The following FMNL2 variants were observed in gnomAD, a reference collection of about 807,000 sequenced individuals.
The protein encoded by FMNL2 is formin-like protein 2.
FMNL2 carries 51 observed loss-of-function variants against 130.2 expected under a neutral mutation model. That is an observed-to-expected ratio of 0.39 (90% CI 0.31 to 0.49). The LOEUF is 0.49. Among genes scored for constraint, FMNL2 ranks in the 20% least tolerant of loss-of-function variants. FMNL2 has a pLI of 0.85. For synonymous variants in FMNL2, 465 were observed against 467.1 expected (o/e 1.00, Z 0.06); for missense variants, 977 against 1,316.2 (o/e 0.74, Z 3.99).
chr2:152,520,072 C>T (rs1259831697), intron 1 of FMNL2, among the ~76,000 whole-genome samples: 1 of 151,906 alleles, frequency 6.6e-6, no homozygotes, highest in Non-Finnish European at 1.5e-5. Context: ...TTGCCTTATC[C>T]CAGGAGTTTT....
intron 6 of FMNL2, among the ~76,000 whole-genome samples, chr2:152,564,780 T>TTTGTTTTTTG (rs1222828555): frequency 3.8e-4 from 50 of 131,176 alleles, no homozygotes; most frequent in African/African-American, 1.4e-3. Context: ...AGGTTGGTTT[T>TTTGTTTTTTG]TTTTTTTTTT....
chr2:152,368,648 A>G, intron 1 of FMNL2, among the ~76,000 whole-genome samples: 1 of 152,180 alleles, frequency 6.6e-6, no homozygotes, highest in East Asian at 1.9e-4. Context: ...AAAGAGGGAA[A>G]GAAGTAAAGA....
intron 2 of FMNL2, among the ~76,000 whole-genome samples, chr2:152,535,308 C>T (rs1294693153): frequency 6.6e-6 from 1 of 152,202 alleles, no homozygotes; most frequent in Non-Finnish European, 1.5e-5. Flanking sequence ...TCTCCTGCCT[C>T]TTATACTGTC....
chr2:152,537,272 T>A (rs1179069622), intron 2 of FMNL2, among the ~76,000 whole-genome samples: 3 of 152,228 alleles, frequency 2.0e-5, no homozygotes, highest in Non-Finnish European at 2.9e-5. Flanking sequence ...GTTTCCCACC[T>A]TGGGTTGCAG....
At chr2:152,464,243 C>T (rs1579727044) in intron 1 of FMNL2, among the ~76,000 whole-genome samples, 2 of 152,304 alleles carry the variant, frequency 1.3e-5, no homozygotes, top group African/African-American at 4.8e-5. Flanking sequence ...CGCACTCAGC[C>T]ACTGATGGTT....
intron 1 of FMNL2, among the ~76,000 whole-genome samples, chr2:152,383,147 G>A (rs968198899): frequency 6.6e-6 from 1 of 151,970 alleles, no homozygotes; most frequent in Non-Finnish European, 1.5e-5. Flanking sequence ...GAGAGAGGTA[G>A]TTTTAATTTC....
chr2:152,429,215 C>CAAA (rs3047928), intron 1 of FMNL2, among the ~76,000 whole-genome samples: 13 of 95,760 alleles, frequency 1.4e-4, no homozygotes, highest in African/African-American at 3.1e-4. Context: ...CTTAGAGGAA[C>CAAA]AAAAAAAAAA....
rs1202816121 is a variant in FMNL2, at chr2:152,506,193, A to T, written c.118-15750A>T. Among the ~76,000 whole-genome samples the T allele has an allele frequency of 4.6e-5, 7 of 152,190 alleles. 1 individual carries two copies. Among genetic ancestry groups the T allele is most frequent in the African/African-American group, 1.2e-4 (5 of 41,444 alleles). On this transcript the variant is annotated intron_variant, in intron 1 of 25. Coordinates refer to ENST00000288670, the MANE Select transcript of FMNL2 (RefSeq NM_052905.4). ...GAAAAATTTGTGCATTTATTTCTCA[A>T]ATCAATGTCCAACTGTTTTAATAAT... is the stretch of plus-strand genomic sequence containing the variant.
chr2:152,547,619 G>C (rs1694715710), intron 3 of FMNL2, among the ~76,000 whole-genome samples: 2 of 152,156 alleles, frequency 1.3e-5, no homozygotes, highest in Admixed American at 1.3e-4. Context: ...CCGTGCTTCA[G>C]GCCTTCATGG....
rs1693624751 is a variant in FMNL2 at position 152,530,444 on chromosome 2, A to G, written c.201+8418A>G. Among the ~76,000 whole-genome samples, 3 of 152,202 alleles carry G rather than the reference A, an allele frequency of 2.0e-5. No homozygotes were observed. In the South Asian group the frequency reaches 6.2e-4, roughly 32 times the overall value. ...CTGAAACTAAAACTGAAGTCTACTG[A>G]TGCCTGATTCTGAAAAATTTTATGT... On this transcript the variant is annotated intron_variant, in intron 2 of 25. Transcript: ENST00000288670.
intron 1 of FMNL2, among the ~76,000 whole-genome samples, chr2:152,388,927 T>G (rs1050535975): frequency 1.3e-5 from 2 of 152,162 alleles, no homozygotes; most frequent in Non-Finnish European, 2.9e-5. Flanking sequence ...CAGTCCTCAC[T>G]AAAAACAATG....
chr2:152,387,105 T>C (rs766581923), intron 1 of FMNL2, among the ~76,000 whole-genome samples: 62 of 152,194 alleles, frequency 4.1e-4, no homozygotes, highest in African/African-American at 1.4e-3. Flanking sequence ...GAAGTAGAAA[T>C]GAGCTCTTCA....
intron 1 of FMNL2, among the ~76,000 whole-genome samples, chr2:152,500,586 A>C (rs2105321102): frequency 6.6e-6 from 1 of 152,354 alleles, no homozygotes; most frequent in East Asian, 1.9e-4. Context: ...GCGATGGCTC[A>C]CGCCTGTAAT....
intron 1 of FMNL2, among the ~76,000 whole-genome samples, chr2:152,458,188 A>T (rs1279089999): frequency 6.6e-6 from 1 of 152,120 alleles, no homozygotes; most frequent in Non-Finnish European, 1.5e-5. Flanking sequence ...TGGCTCTCTA[A>T]CCCAGTTGAA....
chr2:152,369,530 C>T (rs1039411165), intron 1 of FMNL2, among the ~76,000 whole-genome samples: 7 of 152,202 alleles, frequency 4.6e-5, no homozygotes, highest in Admixed American at 2.6e-4. Context: ...TGCTAATCCT[C>T]AAAATTTGTG....
At chr2:152,397,463 G>A (rs745575853) in intron 1 of FMNL2, among the ~76,000 whole-genome samples, 10 of 152,078 alleles carry the variant, frequency 6.6e-5, no homozygotes, top group African/African-American at 1.9e-4. Context: ...AATAAAAAAC[G>A]TCAAAAGAGA....
At chr2:152,403,087 C>T (rs1480797972) in intron 1 of FMNL2, among the ~76,000 whole-genome samples, 1 of 152,078 alleles carries the variant, frequency 6.6e-6, no homozygotes, top group Admixed American at 6.6e-5. Context: ...GGCGATTCAA[C>T]TGGGGTTGTG....
At chr2:152,390,126 C>A in intron 1 of FMNL2, 1 of 1,319,412 alleles carries the variant, frequency 7.6e-7, no homozygotes, top group Non-Finnish European at 1.1e-6. Flanking sequence ...GAAGCCCAAC[C>A]TAGGCAACGG....
At position 152,346,904 on chromosome 2, in the gene FMNL2, A is replaced by G. The variant is rs376444744; in HGVS notation, c.117+11184A>G. On this transcript the variant is annotated intron_variant, in intron 1 of 25. Coordinates refer to ENST00000288670, the MANE Select transcript of FMNL2 (RefSeq NM_052905.4). ...CAGGAGTTCGAGACCAGCCTGGCCA[A>G]CATGGTGAAACCCCGTATCTACTAA... Among the ~76,000 whole-genome samples the G allele has an allele frequency of 8.9e-4, 136 of 152,118 alleles. 2 individuals carry two copies. The East Asian group carries it at 0.021, about 24-fold the overall frequency.
Sources: gnomAD v4.1 joint callset for allele counts (sites outside exome capture counted in the v4.1 genomes callset) on GRCh38, gnomAD v4.1.1 for gene constraint, MANE v1.5 for transcripts, NCBI Gene and HGNC (gene_info 2026-07-23, HGNC 2026-07-21) for gene names.